PPME1: variants seen among roughly 807,000 people sequenced by gnomAD.
PPME1 encodes protein phosphatase methylesterase 1.
In PPME1, 17 loss-of-function variants were observed where a neutral mutation model predicts 56.9. The observed-to-expected ratio is 0.30, with a 90% CI of 0.20 to 0.45. The LOEUF (loss-of-function observed/expected upper bound fraction) is 0.45. PPME1 is among the 20% of genes least tolerant of loss of function. The pLI, the probability that PPME1 is intolerant of heterozygous loss-of-function variation, is 1.00. For missense variants in PPME1, 357 were observed against 483.2 expected, an observed-to-expected ratio of 0.74 and a Z score of 2.45; for synonymous variants, 122 against 156.2, an observed-to-expected ratio of 0.78 and a Z score of 1.63.
At chr11:74,185,918 C>G (rs1486416844) in intron 1 of PPME1, among the ~76,000 whole-genome samples, 1 of 152,110 alleles carries the variant, frequency 6.6e-6, no homozygotes, top group Non-Finnish European at 1.5e-5. Flanking sequence ...AGTATCTTAT[C>G]TGAAGATGGT....
rs764922846 is a variant in PPME1 at position 74,230,216 on chromosome 11, T to C, written c.399-29T>C. On this transcript the variant is annotated intron_variant, in intron 5 of 13. Transcript: ENST00000328257. This position sits in a 1 kb window ranked among gnomAD's most constrained non-coding sequence, Gnocchi z 4.9. ...TTTTTACAGTGTTGTCAGAAAGCAT[T>C]CTTAGATCTTTTTCTCTTCTCTTTG... is the stretch of plus-strand genomic sequence containing the variant. The C allele has an allele frequency of 1.3e-6, 2 of 1,583,930 alleles. No homozygotes were observed. Among genetic ancestry groups the C allele is most frequent in the South Asian group, 2.3e-5 (2 of 86,554 alleles).
intron 1 of PPME1, among the ~76,000 whole-genome samples, chr11:74,174,214 G>A (rs938763494): frequency 2.6e-5 from 4 of 152,158 alleles, no homozygotes; most frequent in African/African-American, 9.7e-5. Context: ...AGGGAACTGA[G>A]ACTCAGATAT....
At position 74,230,953 on chromosome 11, in the gene PPME1, C is replaced by T. The variant is rs1329591884; in HGVS notation, c.595C>T (p.Arg199Trp). ...ACTTAATAGCATGCAGAATTTCTTA[C>T]GGGGTCGTCCTAAAACCTTCAAGTC... The part of the protein sequence containing the change: ...DALNSMQNFL[R>W]GRPKTFKSLE... The change falls in exon 7 of 14, where the codon CGG becomes TGG. Residue 199 changes from arginine (R) to tryptophan (W), a missense_variant. Around this residue, in one of 2 missense-constraint regions of PPME1, gnomAD observed 182 missense variants for 293.8 expected, o/e 0.62. Transcript: ENST00000328257. This position sits in a 1 kb window ranked among gnomAD's most constrained non-coding sequence, Gnocchi z 4.9. The T allele has an allele frequency of 2.5e-6, 4 of 1,604,918 alleles. No individual in the cohort carries two copies. Among genetic ancestry groups the T allele is most frequent in the African/African-American group, 1.3e-5 (1 of 74,810 alleles).
chr11:74,239,958 A>ATTTTT (rs760748505), intron 9 of PPME1, among the ~76,000 whole-genome samples: 5 of 89,920 alleles, frequency 5.6e-5, no homozygotes, highest in African/African-American at 1.3e-4. Flanking sequence ...TTTTCTTTCC[A>ATTTTT]TTTTTTTTTT....
At chr11:74,242,723 A>C (rs1234964059) in intron 9 of PPME1, among the ~76,000 whole-genome samples, 2 of 151,878 alleles carry the variant, frequency 1.3e-5, no homozygotes, top group Non-Finnish European at 2.9e-5. Flanking sequence ...TACTAAAAAT[A>C]CAAAAATTAG....
At chr11:74,250,583 T>G (rs762139107) in intron 11 of PPME1, 1 of 176,726 alleles carries the variant, frequency 5.7e-6, no homozygotes, top group Non-Finnish European at 1.2e-5. Flanking sequence ...CCCTTTCTTA[T>G]GCTCTTACAG....
chr11:74,204,506 G>A (rs1450579816), intron 3 of PPME1, 61 bp downstream of exon 3: 32 of 1,400,720 alleles, frequency 2.3e-5, no homozygotes, highest in East Asian at 2.3e-5. Flanking sequence ...GAAAGTATAG[G>A]GACAAATCTT....
intron 1 of PPME1, among the ~76,000 whole-genome samples, chr11:74,193,813 G>T (rs1291667288): frequency 6.6e-6 from 1 of 152,062 alleles, no homozygotes; most frequent in Non-Finnish European, 1.5e-5. Flanking sequence ...CTAGGAGCTT[G>T]TTTCAAGTTT....
intron 1 of PPME1, among the ~76,000 whole-genome samples, chr11:74,182,306 C>T (rs980695186): frequency 6.6e-6 from 1 of 151,848 alleles, no homozygotes; most frequent in Admixed American, 6.6e-5. Context: ...CTAATGGAAA[C>T]TTACTGTATT....
intron 13 of PPME1, among the ~76,000 whole-genome samples, chr11:74,253,192 T>C (rs1173919676): frequency 6.6e-6 from 1 of 152,162 alleles, no homozygotes; most frequent in East Asian, 1.9e-4. Flanking sequence ...GCGACACCCC[T>C]ATGCTGAGCC....
In PPME1 at chr11:74,244,316, T is replaced by A. The variant is rs149824382; in HGVS notation, c.835-1760T>A. Among the ~76,000 whole-genome samples the A allele has an allele frequency of 1.7e-3, 252 of 152,310 alleles. 2 individuals carry two copies. The highest frequency in any genetic ancestry group is 4.9e-3 in the African/African-American group (204 of 41,548). On this transcript the variant is annotated intron_variant, in intron 9 of 13. Transcript: ENST00000328257. Reference sequence around the variant, plus strand: ...TGGGATTCCTGGATCATACAGTAGTTCTGTTTTTAATATTTTGAGGAACTG... The same window carrying A: ...TGGGATTCCTGGATCATACAGTAGTACTGTTTTTAATATTTTGAGGAACTG...
chr11:74,238,437 AC>A (rs1205547296), intron 8 of PPME1: 1 of 152,178 alleles, frequency 6.6e-6, no homozygotes, highest in Non-Finnish European at 1.5e-5. Context: ...TCTCTATCAT[AC>A]AGAGCAAACC....
At chr11:74,218,038 T>TC (rs1858703335) in intron 3 of PPME1, among the ~76,000 whole-genome samples, 1 of 152,104 alleles carries the variant, frequency 6.6e-6, no homozygotes, top group Admixed American at 6.6e-5. Flanking sequence ...TCCTAAAGAC[T>TC]CCACCAAAAA....
chr11:74,246,057 C>G lies in PPME1; in HGVS notation c.835-19C>G. 1 of 1,573,630 alleles carries G rather than the reference C, an allele frequency of 6.4e-7. No homozygotes were observed. Among genetic ancestry groups the G allele is most frequent in the Non-Finnish European group, 8.6e-7 (1 of 1,158,632 alleles). ...AGGGGTTGCCCTCGGAGACTCAGAA[C>G]TTGCTCTTATTCCTCCAGACCAAGA... On this transcript the variant is annotated intron_variant, in intron 9 of 13. Transcript: ENST00000328257.
At chr11:74,209,292 G>T (rs751539090) in intron 3 of PPME1, among the ~76,000 whole-genome samples, 3 of 151,862 alleles carry the variant, frequency 2.0e-5, no homozygotes, top group Non-Finnish European at 4.4e-5. Flanking sequence ...TTATAGAGAG[G>T]GAATCCCGCT....
intron 1 of PPME1, among the ~76,000 whole-genome samples, chr11:74,198,190 A>G (rs1858042780): frequency 2.0e-5 from 3 of 152,292 alleles, no homozygotes; most frequent in South Asian, 2.1e-4. Context: ...TCTGCTGTCA[A>G]TCATCTTTCA....
Position 74,230,110 on chromosome 11 carries a change from T to C in PPME1, c.399-135T>C. On this transcript the variant is annotated intron_variant, in intron 5 of 13. Coordinates refer to ENST00000328257, the MANE Select transcript of PPME1 (RefSeq NM_016147.3). This position sits in a 1 kb window ranked among gnomAD's most constrained non-coding sequence, Gnocchi z 4.9. The stretch of plus-strand genomic sequence containing the variant: ...ACATGTTAGAAGGTTTACATAGGTA[T>C]GTTTGTAAGATGGCCCAATAGACTT... 1 of 892,790 alleles carries C rather than the reference T, an allele frequency of 1.1e-6. No individual in the cohort carries two copies. The highest frequency in any genetic ancestry group is 3.0e-5 in the Admixed American group (1 of 33,732). The allele number at this position is 892,790 out of a possible 1,614,324, so 55.3% of individuals were successfully genotyped here. A position where few individuals can be genotyped will look rare whatever the true frequency, so the allele number is the denominator to read the frequency against.
chr11:74,194,380 C>G lies in PPME1; in HGVS notation c.102-9348C>G, dbSNP rs141512464. On this transcript the variant is annotated intron_variant, in intron 1 of 13. Coordinates refer to ENST00000328257, the MANE Select transcript of PPME1 (RefSeq NM_016147.3). The stretch of plus-strand genomic sequence containing the variant: ...CTGTTCTGTGTGCATCGCAAAACTT[C>G]AAGTTCAGACAGTTGGCAAATGCCA... Among the ~76,000 whole-genome samples, 382 of 152,174 alleles carry G rather than the reference C, an allele frequency of 2.5e-3. 1 individual carries two copies. The highest frequency in any genetic ancestry group is 8.9e-3 in the African/African-American group (370 of 41,522).
chr11:74,180,478 T>C (rs1321211978), intron 1 of PPME1, among the ~76,000 whole-genome samples: 1 of 152,244 alleles, frequency 6.6e-6, no homozygotes, highest in Non-Finnish European at 1.5e-5. Flanking sequence ...AGGGCTATAC[T>C]GCCTTTCTCC....
Sources: allele counts gnomAD v4.1 joint callset (sites outside exome capture counted in the v4.1 genomes callset), GRCh38; gene constraint gnomAD v4.1.1; regional missense constraint gnomAD v4.1.1; non-coding constraint Gnocchi (gnomAD v3.1); transcripts MANE v1.5; gene names NCBI Gene and HGNC (gene_info 2026-07-23, HGNC 2026-07-21).